MOBP: variants seen among roughly 807,000 people sequenced by gnomAD.
MOBP encodes myelin associated oligodendrocyte basic protein.
Under a neutral mutation model 15.0 loss-of-function variants are expected in MOBP, and 5 were observed. That is an observed-to-expected ratio of 0.33 (90% CI 0.17 to 0.70). The LOEUF (loss-of-function observed/expected upper bound fraction) is 0.70, where lower values mean the gene tolerates loss of function less well. Ranked by LOEUF, MOBP falls within the 30% of genes least tolerant of loss-of-function variation. MOBP has a pLI of 0.67. For missense variants in MOBP, 188 were observed against 257.8 expected (o/e 0.73, Z 1.85); for synonymous variants, 88 against 99.0 (o/e 0.89, Z 0.66).
intron 1 of MOBP, among the ~76,000 whole-genome samples, chr3:39,478,342 T>C (rs547820560): frequency 1.8e-4 from 27 of 152,340 alleles, no homozygotes; most frequent in Non-Finnish European, 3.7e-4. Flanking sequence ...CTGTGCAGGT[T>C]TGTAGCCTGG....
At chr3:39,488,139 G>C (rs765433227) in intron 2 of MOBP, among the ~76,000 whole-genome samples, 13 of 152,148 alleles carry the variant, frequency 8.5e-5, no homozygotes, top group African/African-American at 3.1e-4. Context: ...ATTTTTTTCA[G>C]TAATTATTTT....
intron 2 of MOBP, among the ~76,000 whole-genome samples, chr3:39,486,374 G>A (rs1198059140): frequency 1.3e-5 from 2 of 151,930 alleles, no homozygotes; most frequent in African/African-American, 4.8e-5. Context: ...TTTTTCTAGG[G>A]TATTTGTTCT....
chr3:39,497,505 C>T (rs571454747), intron 2 of MOBP, among the ~76,000 whole-genome samples: 1 of 152,312 alleles, frequency 6.6e-6, no homozygotes, highest in Non-Finnish European at 1.5e-5. Context: ...ATAGGAAGCA[C>T]AAAACAGTGT....
At chr3:39,487,436 A>G (rs546928852) in intron 2 of MOBP, among the ~76,000 whole-genome samples, 20 of 151,596 alleles carry the variant, frequency 1.3e-4, no homozygotes, top group Middle Eastern at 3.5e-3. Context: ...GCAATGCCAC[A>G]CTATTTTAAT....
intron 2 of MOBP, among the ~76,000 whole-genome samples, chr3:39,483,979 C>G (rs1302128772): frequency 6.6e-6 from 1 of 152,204 alleles, no homozygotes; most frequent in East Asian, 1.9e-4. Context: ...AACGTTCGTT[C>G]ATTAAGTGGA....
Position 39,468,856 on chromosome 3 carries a change from A to T in MOBP, c.-89+1116A>T, listed in dbSNP as rs13314514. On this transcript the variant is annotated intron_variant, in intron 1 of 3. Transcript: ENST00000684792. The stretch of plus-strand genomic sequence containing the variant: ...GTGTGTATATATACATATATACATG[A>T]GTGTGTATATATACATATATACATA... Among the ~76,000 whole-genome samples, 734 of 86,400 alleles carry T rather than the reference A, an allele frequency of 8.5e-3. 166 individuals are homozygous for T. Among genetic ancestry groups the T allele is most frequent in the African/African-American group, 0.062 (659 of 10,688 alleles). The allele number at this position is 86,400 out of a possible 152,430, so 56.7% of individuals were successfully genotyped here. A position where few individuals can be genotyped will look rare whatever the true frequency, so the allele number is the denominator to read the frequency against.
At chr3:39,497,652 A>T (rs538972) in intron 2 of MOBP, among the ~76,000 whole-genome samples, 41,846 of 152,108 alleles carry the variant, frequency 0.28, 6,869 homozygotes, top group African/African-American at 0.46. Flanking sequence ...TGCCACATTA[A>T]AAAATGAGAT....
intron 4 of MOBP, among the ~76,000 whole-genome samples, chr3:39,508,551 A>AT (rs10681564): frequency 0.011 from 1,449 of 135,214 alleles, 29 homozygotes; most frequent in East Asian, 0.047. Context: ...ATATTGTTGC[A>AT]TTTTTTTTTT....
intron 4 of MOBP, among the ~76,000 whole-genome samples, chr3:39,508,707 G>A (rs2043079620): frequency 6.6e-6 from 1 of 152,022 alleles, no homozygotes; most frequent in African/African-American, 2.4e-5. Context: ...GCGCCACCAT[G>A]CCTGGCTAAT....
intron 4 of MOBP, among the ~76,000 whole-genome samples, chr3:39,512,353 G>A (rs1488262106): frequency 1.3e-5 from 2 of 152,138 alleles, no homozygotes; most frequent in Non-Finnish European, 2.9e-5. Flanking sequence ...TGGGGAGTTC[G>A]AAAACATGCA....
intron 4 of MOBP, among the ~76,000 whole-genome samples, chr3:39,508,908 A>G (rs544238163): frequency 9.2e-5 from 14 of 152,248 alleles, no homozygotes; most frequent in South Asian, 8.3e-4. Context: ...TATCTGTCTT[A>G]TACCCCTGGG....
chr3:39,492,372 A>T (rs1220506047), intron 2 of MOBP, among the ~76,000 whole-genome samples: 2 of 152,158 alleles, frequency 1.3e-5, no homozygotes, highest in Non-Finnish European at 2.9e-5. Flanking sequence ...CACCTTGAGA[A>T]GGAAGAGAGG....
intron 2 of MOBP, among the ~76,000 whole-genome samples, chr3:39,483,197 A>G (rs1478632897): frequency 2.6e-5 from 4 of 152,222 alleles, no homozygotes; most frequent in Non-Finnish European, 5.9e-5. Flanking sequence ...TGTTTGGCTC[A>G]TCATATGTAC....
At chr3:39,491,027 G>A (rs777917315) in intron 2 of MOBP, among the ~76,000 whole-genome samples, 2 of 152,148 alleles carry the variant, frequency 1.3e-5, no homozygotes, top group Non-Finnish European at 2.9e-5. Flanking sequence ...TGAATTTATG[G>A]GGGAAATTCT....
intron 2 of MOBP, among the ~76,000 whole-genome samples, chr3:39,485,643 G>A (rs917211525): frequency 1.3e-5 from 2 of 152,188 alleles, no homozygotes; most frequent in Admixed American, 6.5e-5. Context: ...AGGAAATCAT[G>A]GGTTCTTTCT....
chr3:39,502,892 C>T lies in MOBP; in HGVS notation c.*12C>T, dbSNP rs1355595245. 2 of 1,114,552 alleles carry T rather than the reference C, an allele frequency of 1.8e-6. No individual in the cohort carries two copies. The highest frequency in any genetic ancestry group is 3.1e-5 in the African/African-American group (2 of 63,650). 69.0% of individuals were successfully genotyped at this position (1,114,552 alleles called of 1,614,324 possible). A position where few individuals can be genotyped will look rare whatever the true frequency, so the allele number is the denominator to read the frequency against. On this transcript the variant is annotated 3_prime_UTR_variant, in exon 4 of 4. Coordinates refer to ENST00000684792, the MANE Select transcript of MOBP (RefSeq NM_001393704.1). The surrounding 1 kb of genome is among the most constrained non-coding windows in gnomAD (Gnocchi z 6.3). Reference sequence around the variant, plus strand: ...CTAGGTTCTGGTAACACCATCTCTTCCCTTTTGTTCCCCAGCCCTAAGGTT... The same window carrying T: ...CTAGGTTCTGGTAACACCATCTCTTTCCTTTTGTTCCCCAGCCCTAAGGTT...
intron 3 of MOBP, among the ~76,000 whole-genome samples, chr3:39,523,032 C>T (rs1478743902): frequency 6.6e-6 from 1 of 152,196 alleles, no homozygotes. Context: ...CAGTCTTCTG[C>T]CTTCATTATT....
chr3:39,486,429 C>T (rs2042711837), intron 2 of MOBP, among the ~76,000 whole-genome samples: 1 of 152,028 alleles, frequency 6.6e-6, no homozygotes, highest in Non-Finnish European at 1.5e-5. Flanking sequence ...CATTTCCCGA[C>T]TCTATTAAAT....
chr3:39,526,706 G>A (rs1474811304), downstream of MOBP: 1 of 151,602 alleles, frequency 6.6e-6, no homozygotes, highest in East Asian at 1.9e-4. Context: ...TGGGTAAAAA[G>A]GCCTAATTTA....
Sources: gnomAD v4.1 joint callset for allele counts (sites outside exome capture counted in the v4.1 genomes callset) on GRCh38, gnomAD v4.1.1 for gene constraint, Gnocchi (gnomAD v3.1) non-coding constraint, MANE v1.5 for transcripts, NCBI Gene and HGNC (gene_info 2026-07-23, HGNC 2026-07-21) for gene names.